The following SLC6A4 variants were observed in gnomAD, a reference collection of about 807,000 sequenced individuals.
SLC6A4 encodes the protein sodium-dependent serotonin transporter.
In SLC6A4, 22 loss-of-function variants were observed where a neutral mutation model predicts 73.4. That is an observed-to-expected ratio of 0.30 (90% CI 0.21 to 0.43). The LOEUF (loss-of-function observed/expected upper bound fraction) is 0.43. SLC6A4 is among the 20% of genes least tolerant of loss of function. The pLI, the probability that SLC6A4 is intolerant of heterozygous loss-of-function variation, is 1.00. For missense variants in SLC6A4, 593 were observed against 808.5 expected (o/e 0.73, Z 3.23); for synonymous variants, 270 against 315.5 (o/e 0.86, Z 1.53).
At chr17:30,230,092 AGAAGAGGAGGAAGAGGAAGAG>A (rs1907051075) in intron 1 of SLC6A4, among the ~76,000 whole-genome samples, 3 of 132,040 alleles carry the variant, frequency 2.3e-5, no homozygotes, top group African/African-American at 1.0e-4. Context: ...AAGAAGAAGA[AGAAGAGGAGGAAGAGGAAGAG>A]GAAGAGGAAG....
At position 30,232,129 on chromosome 17, in the gene SLC6A4, T is replaced by C. The variant is rs187057014; in HGVS notation, c.-221+3484A>G. Among the ~76,000 whole-genome samples the C allele has an allele frequency of 1.5e-3, 227 of 152,222 alleles. 1 individual carries two copies. The highest frequency in any genetic ancestry group is 0.012 in the Admixed American group (178 of 15,296). ...TTCAACAGTTCAGTAACAAAGGAAATGAAATGCTCTTTTTTCCTGTATACA... is the reference window on the plus strand; with the variant it reads ...TTCAACAGTTCAGTAACAAAGGAAACGAAATGCTCTTTTTTCCTGTATACA... On this transcript the variant is annotated intron_variant, in intron 1 of 14. Transcript: ENST00000650711.
rs1567819080 is a variant in SLC6A4, at chr17:30,215,023, T to TTC, written c.1076+587_1076+588insGA. Reference sequence around the variant, plus strand: ...TCCTTTCTTTCTTTCTTTCTTTCTTTTTTCTTTCTTTCTTTCTTTCTTTAT... The same window carrying TTC: ...TCCTTTCTTTCTTTCTTTCTTTCTTTTCTTTCTTTCTTTCTTTCTTTCTTTAT... On this transcript the variant is annotated intron_variant, in intron 8 of 14. Transcript: ENST00000650711. Among the ~76,000 whole-genome samples the TTC allele has an allele frequency of 3.7e-4, 11 of 29,394 alleles. No homozygotes were observed. In the South Asian group the frequency reaches 0.011, roughly 29 times the overall value. 19.3% of individuals were successfully genotyped at this position (29,394 alleles called of 152,430 possible). A position where few individuals can be genotyped will look rare whatever the true frequency, so the allele number is the denominator to read the frequency against.
Position 30,222,906 on chromosome 17 carries a change from T to A in SLC6A4, c.-211A>T. On this transcript the variant is annotated 5_prime_UTR_variant, in exon 2 of 15. Coordinates refer to ENST00000650711, the MANE Select transcript of SLC6A4 (RefSeq NM_001045.6). ...AGAGGGCAAGCAAGGTCGCCTTGCC[T>A]CCAGGAGACCTAGGGAGAAGAGTGT... is the stretch of plus-strand genomic sequence containing the variant. 1 of 1,156,646 alleles carries A rather than the reference T, an allele frequency of 8.6e-7. No individual in the cohort carries two copies. The highest frequency in any genetic ancestry group is 1.2e-6 in the Non-Finnish European group (1 of 855,262). The allele number at this position is 1,156,646 out of a possible 1,614,324, so 71.6% of individuals were successfully genotyped here. A position where few individuals can be genotyped will look rare whatever the true frequency, so the allele number is the denominator to read the frequency against.
chr17:30,210,636 A>T lies in SLC6A4; in HGVS notation c.1328T>A (p.Leu443Ter), dbSNP rs1906357753. The change falls in exon 11 of 15, where the codon TTG becomes TAG. Residue 443 changes from leucine (L) to a stop codon, truncating the protein, a stop_gained. Transcript: ENST00000650711. LOFTEE classifies it high-confidence loss of function. ...TLGLDSTFAG[L>*]EGVITAVLDE... ...CAGCACAGCCGTGATCACCCCCTCC[A>T]AGCCTGCAAACTGAGAGGTACAGGC... 6.2e-7 allele frequency: 1 copy of T among 1,612,096 alleles called. No individual in the cohort carries two copies. The highest frequency in any genetic ancestry group is 8.5e-7 in the Non-Finnish European group (1 of 1,179,114).
chr17:30,213,827 G>A (rs901303226), intron 8 of SLC6A4, among the ~76,000 whole-genome samples: 34 of 151,994 alleles, frequency 2.2e-4, no homozygotes, highest in African/African-American at 7.5e-4. Flanking sequence ...GCTCACTGCA[G>A]CCTTAACCTC....
At chr17:30,230,101 GGAA>G (rs1236198195) in intron 1 of SLC6A4, among the ~76,000 whole-genome samples, 105 of 90,418 alleles carry the variant, frequency 1.2e-3, no homozygotes, top group African/African-American at 3.9e-3. Context: ...AAGAAGAGGA[GGAA>G]GAGGAAGAGG....
intron 11 of SLC6A4, among the ~76,000 whole-genome samples, chr17:30,210,263 A>T (rs1054846061): frequency 6.6e-6 from 1 of 152,216 alleles, no homozygotes; most frequent in Non-Finnish European, 1.5e-5. Context: ...TAGTTTTTGA[A>T]GCCTGAAATC....
intron 3 of SLC6A4, among the ~76,000 whole-genome samples, chr17:30,220,571 A>T (rs925736531): frequency 1.3e-5 from 2 of 152,210 alleles, no homozygotes; most frequent in Admixed American, 1.3e-4. Context: ...CTGTGGATCT[A>T]ATCCAGCTTA....
At chr17:30,212,280 C>T (rs1344641837) in intron 9 of SLC6A4, among the ~76,000 whole-genome samples, 15 of 152,238 alleles carry the variant, frequency 9.9e-5, no homozygotes, top group Non-Finnish European at 2.9e-5. Context: ...ATTTCAAGCC[C>T]ATAGATTTTG....
At chr17:30,207,686 G>T (rs758343283) in intron 13 of SLC6A4, 46 bp downstream of exon 13, 2 of 1,235,648 alleles carry the variant, frequency 1.6e-6, no homozygotes, top group Non-Finnish European at 2.4e-6. Flanking sequence ...GTGTCTGGGG[G>T]AAGTCTTTCG....
At chr17:30,218,649 C>A (rs1906655906) in intron 4 of SLC6A4, 148 bp downstream of exon 4, 1 of 780,738 alleles carries the variant, frequency 1.3e-6, no homozygotes, top group East Asian at 2.4e-5. Flanking sequence ...ACACCACTTA[C>A]GCAGTCAAAA....
intron 1 of SLC6A4, among the ~76,000 whole-genome samples, chr17:30,227,373 A>G (rs1032414918): frequency 4.6e-5 from 7 of 152,086 alleles, no homozygotes; most frequent in Admixed American, 3.3e-4. Flanking sequence ...TTGGACAAAA[A>G]GGGTAGAAAT....
At chr17:30,198,653 G>T in intron 14 of SLC6A4, 123 bp from the exon 15 acceptor site, 1 of 568,444 alleles carries the variant, frequency 1.8e-6, no homozygotes, top group Non-Finnish European at 3.1e-6. Flanking sequence ...GAGCGAGTTG[G>T]AATAGTCTCA....
intron 1 of SLC6A4, among the ~76,000 whole-genome samples, chr17:30,234,777 A>G (rs1907219506): frequency 6.6e-6 from 1 of 152,202 alleles, no homozygotes; most frequent in African/African-American, 2.4e-5. Flanking sequence ...AAAAATACAT[A>G]CACAAAGTCT....
intron 1 of SLC6A4, among the ~76,000 whole-genome samples, chr17:30,226,471 G>A (rs11872020): frequency 0.34 from 51,269 of 152,112 alleles, 9,285 homozygotes; most frequent in Non-Finnish European, 0.39. Flanking sequence ...AAGCCAAGGC[G>A]GGCGGATCAC....
At chr17:30,204,800 C>T (rs1597633428) in intron 13 of SLC6A4, among the ~76,000 whole-genome samples, 1 of 152,130 alleles carries the variant, frequency 6.6e-6, no homozygotes, top group African/African-American at 2.4e-5. Flanking sequence ...GGGCACTTGG[C>T]TGTAGAGGGG....
rs199760881 is a variant in SLC6A4 at position 30,214,936 on chromosome 17, C to CTCTT, written c.1076+671_1076+674dup. On this transcript the variant is annotated intron_variant, in intron 8 of 14. Transcript: ENST00000650711. ...GTGGGAGCCACCGCACCCCGTCTCTCTCTTTCTTTCTTTCTTTCTTTCCTT... is the reference window on the plus strand; with the variant it reads ...GTGGGAGCCACCGCACCCCGTCTCTCTCTTTCTTTCTTTCTTTCTTTCTTTCCTT... Among the ~76,000 whole-genome samples, 123 of 151,102 alleles carry CTCTT rather than the reference C, an allele frequency of 8.1e-4. 2 individuals carry two copies. Among genetic ancestry groups the CTCTT allele is most frequent in the South Asian group, 5.3e-3 (25 of 4,744 alleles).
chr17:30,221,693 A>C lies in SLC6A4; in HGVS notation c.266T>G (p.Leu89Arg). Residue 89 changes from leucine (L) to arginine (R), a missense_variant, in exon 3 of 15, where the codon CTT becomes CGT. Leu to Arg is a moderately radical substitution (Grantham distance 102). Coordinates refer to ENST00000650711, the MANE Select transcript of SLC6A4 (RefSeq NM_001045.6). Reference sequence around the variant, plus strand: ...CACAGCATAGCCAATCACTGAGAGAAGGAAATCCACCTTCTTGCCCCAGGT... The same window carrying C: ...CACAGCATAGCCAATCACTGAGAGACGGAAATCCACCTTCTTGCCCCAGGT... ...RETWGKKVDFLLSVIGYAVDL... is the reference protein window; with the variant it reads ...RETWGKKVDFRLSVIGYAVDL... 1 of 1,614,150 alleles carries C rather than the reference A, an allele frequency of 6.2e-7. No homozygotes were observed. Among genetic ancestry groups the C allele is most frequent in the Non-Finnish European group, 8.5e-7 (1 of 1,180,020 alleles).
rs1364426974 is a variant in SLC6A4, at chr17:30,197,071, T to G, written c.*1385A>C. On this transcript the variant is annotated 3_prime_UTR_variant, in exon 15 of 15. Transcript: ENST00000650711. ...TGTCTCTGATGAGGATTTATTCCCCTCAAAATTCTGATAAGGAATTCCCAT... is the reference window on the plus strand; with the variant it reads ...TGTCTCTGATGAGGATTTATTCCCCGCAAAATTCTGATAAGGAATTCCCAT... 6.6e-6 allele frequency: 1 copy of G among 152,354 alleles called. No homozygotes were observed. Among genetic ancestry groups the G allele is most frequent in the African/African-American group, 2.4e-5 (1 of 41,458 alleles). The allele number at this position is 152,354 out of a possible 1,614,324, so 9.4% of individuals were successfully genotyped here.
Sources: gnomAD v4.1 joint callset for allele counts (sites outside exome capture counted in the v4.1 genomes callset) on GRCh38, gnomAD v4.1.1 for gene constraint, MANE v1.5 for transcripts, NCBI Gene and HGNC (gene_info 2026-07-23, HGNC 2026-07-21) for gene names.